The following PPP2R3A variants were observed in gnomAD, a reference collection of about 807,000 sequenced individuals.
PPP2R3A encodes the protein protein phosphatase 2 regulatory subunit B''alpha.
A neutral mutation model predicts 106.9 loss-of-function variants in PPP2R3A; 80 were observed. The ratio of observed to expected loss-of-function variants is 0.75; its 90% confidence interval spans 0.62 to 0.90. PPP2R3A has a LOEUF of 0.90. PPP2R3A is among the 40% of genes least tolerant of loss of function. The pLI is 0.00. For missense variants in PPP2R3A, 1,386 were observed against 1,350.4 expected, an observed-to-expected ratio of 1.03 and a Z score of -0.41; for synonymous variants, 483 against 468.3, an observed-to-expected ratio of 1.03 and a Z score of -0.41.
At chr3:136,103,726 G>A (rs1937442425) in intron 12 of PPP2R3A, among the ~76,000 whole-genome samples, 1 of 152,062 alleles carries the variant, frequency 6.6e-6, no homozygotes, top group African/African-American at 2.4e-5. Flanking sequence ...AACTATATTG[G>A]CCTTGATTCA....
Position 136,145,618 on chromosome 3 carries a change from T to C in PPP2R3A, c.*452T>C, listed in dbSNP as rs1197654966. On this transcript the variant is annotated 3_prime_UTR_variant, in exon 14 of 14. Transcript: ENST00000264977. The stretch of plus-strand genomic sequence containing the variant: ...GAAAAAGTAGTAAGGGCCTCCAGAA[T>C]TGACTTAGCCCTAGTAATAAAAGCA... The C allele has an allele frequency of 6.5e-6, 1 of 153,136 alleles. No individual in the cohort carries two copies. Among genetic ancestry groups the C allele is most frequent in the Non-Finnish European group, 1.5e-5 (1 of 68,346 alleles). The allele number at this position is 153,136 out of a possible 1,614,324, so 9.5% of individuals were successfully genotyped here.
At chr3:136,017,567 A>C (rs1934320412) in intron 2 of PPP2R3A, among the ~76,000 whole-genome samples, 1 of 152,202 alleles carries the variant, frequency 6.6e-6, no homozygotes, top group Non-Finnish European at 1.5e-5. Flanking sequence ...CTGTTAACGT[A>C]TTTAGATTTT....
At chr3:136,067,864 A>G (rs1936307181) in intron 5 of PPP2R3A, among the ~76,000 whole-genome samples, 1 of 152,216 alleles carries the variant, frequency 6.6e-6, no homozygotes, top group African/African-American at 2.4e-5. Context: ...TGGGGCAAGG[A>G]AAATACAAGA....
intron 10 of PPP2R3A, among the ~76,000 whole-genome samples, chr3:136,101,340 AG>A (rs2107964843): frequency 6.6e-6 from 1 of 152,354 alleles, no homozygotes; most frequent in African/African-American, 2.4e-5. Context: ...AAGGGCGTGT[AG>A]GTAAAGTGGT....
At chr3:136,047,660 C>T (rs978404830) in intron 4 of PPP2R3A, among the ~76,000 whole-genome samples, 8 of 151,936 alleles carry the variant, frequency 5.3e-5, no homozygotes, top group East Asian at 3.9e-4. Context: ...CCAGCACTTT[C>T]GGAGGCCGAG....
intron 11 of PPP2R3A, among the ~76,000 whole-genome samples, chr3:136,102,850 G>A (rs1374275042): frequency 2.6e-5 from 4 of 152,020 alleles, no homozygotes; most frequent in Admixed American, 6.6e-5. Flanking sequence ...ATGAAAGCGG[G>A]GTTTGGGGGA....
chr3:136,068,145 A>G (rs1404174024), intron 5 of PPP2R3A, among the ~76,000 whole-genome samples: 1 of 151,700 alleles, frequency 6.6e-6, no homozygotes, highest in Non-Finnish European at 1.5e-5. Flanking sequence ...TTGAACCTGG[A>G]AGGTAGAGGT....
intron 5 of PPP2R3A, among the ~76,000 whole-genome samples, chr3:136,065,414 C>G (rs1164568875): frequency 6.6e-6 from 1 of 151,974 alleles, no homozygotes; most frequent in African/African-American, 2.4e-5. Flanking sequence ...TATATAAATG[C>G]TTGTATATGC....
At chr3:136,070,239 TTA>T (rs1936383325) in intron 5 of PPP2R3A, among the ~76,000 whole-genome samples, 1 of 152,222 alleles carries the variant, frequency 6.6e-6, no homozygotes, top group African/African-American at 2.4e-5. Context: ...GATTCACAAA[TTA>T]CCTAACGTAG....
chr3:136,045,964 G>A (rs893911214), intron 4 of PPP2R3A, among the ~76,000 whole-genome samples: 1 of 150,388 alleles, frequency 6.6e-6, no homozygotes, highest in Non-Finnish European at 1.5e-5. Flanking sequence ...CAGTAAGATT[G>A]CATGAGCCTA....
chr3:136,068,107 A>G (rs1290286718), intron 5 of PPP2R3A, among the ~76,000 whole-genome samples: 1 of 152,062 alleles, frequency 6.6e-6, no homozygotes, highest in African/African-American at 2.4e-5. Flanking sequence ...AGTTCCAGCT[A>G]CTCAGGGGGC....
At chr3:136,034,636 G>A (rs957034936) in intron 3 of PPP2R3A, among the ~76,000 whole-genome samples, 2 of 152,112 alleles carry the variant, frequency 1.3e-5, no homozygotes, top group Admixed American at 1.3e-4. Context: ...TCGTTTTGTG[G>A]CCTCTTCTAT....
At chr3:135,966,613 C>T (rs1937095059) in intron 1 of PPP2R3A, among the ~76,000 whole-genome samples, 1 of 152,096 alleles carries the variant, frequency 6.6e-6, no homozygotes. Context: ...CCGTTATTCC[C>T]AGTCCTCCCA....
At chr3:136,063,431 T>C (rs1418182410) in intron 5 of PPP2R3A, among the ~76,000 whole-genome samples, 2 of 152,142 alleles carry the variant, frequency 1.3e-5, no homozygotes. Context: ...TGGGATCTTT[T>C]TAAAGTAAAG....
chr3:136,023,686 C>T (rs914025432), intron 2 of PPP2R3A, among the ~76,000 whole-genome samples: 5 of 151,886 alleles, frequency 3.3e-5, no homozygotes, highest in South Asian at 2.1e-4. Flanking sequence ...TAAAGCAAGA[C>T]GTATTTGTCT....
intron 13 of PPP2R3A, among the ~76,000 whole-genome samples, chr3:136,110,789 G>C (rs1386941702): frequency 6.6e-6 from 1 of 152,098 alleles, no homozygotes; most frequent in African/African-American, 2.4e-5. Context: ...TAGCTCACAG[G>C]CTGTACCAAA....
intron 1 of PPP2R3A, among the ~76,000 whole-genome samples, chr3:135,997,154 T>G (rs2107781653): frequency 6.6e-6 from 1 of 152,330 alleles, no homozygotes; most frequent in East Asian, 1.9e-4. Flanking sequence ...TTTATAGCCC[T>G]CCTTTTCTTA....
intron 6 of PPP2R3A, among the ~76,000 whole-genome samples, chr3:136,075,963 GC>G (rs1319787627): frequency 1.3e-5 from 2 of 151,716 alleles, no homozygotes; most frequent in African/African-American, 4.8e-5. Flanking sequence ...CCAAGCTAGT[GC>G]TAAGAATACA....
intron 4 of PPP2R3A, among the ~76,000 whole-genome samples, chr3:136,041,235 C>CTTGTTTTTTTTTT (rs1559884186): frequency 7.2e-5 from 3 of 41,388 alleles, no homozygotes; most frequent in East Asian, 1.2e-3. Flanking sequence ...CTTGGTTTTT[C>CTTGTTTTTTTTTT]TTGTTTTTTT....
Sources: allele counts gnomAD v4.1 joint callset (sites outside exome capture counted in the v4.1 genomes callset), GRCh38; gene constraint gnomAD v4.1.1; transcripts MANE v1.5; gene names NCBI Gene and HGNC (gene_info 2026-07-23, HGNC 2026-07-21).